The following LRRN1 variants were observed in gnomAD, a reference collection of about 807,000 sequenced individuals.
The protein encoded by LRRN1 is leucine rich repeat neuronal 1.
Under a neutral mutation model 45.8 loss-of-function variants are expected in LRRN1, and 14 were observed. The ratio of observed to expected loss-of-function variants is 0.31; its 90% CI spans 0.20 to 0.48. The LOEUF (loss-of-function observed/expected upper bound fraction) is 0.48, where lower values mean the gene tolerates loss of function less well. Ranked by LOEUF, LRRN1 falls within the 20% of genes least tolerant of loss-of-function variation. The probability of loss-of-function intolerance (pLI) is 0.99; values close to 1 mark genes in which losing one functional copy is unlikely to be tolerated. For missense variants in LRRN1, 789 were observed against 874.2 expected, an observed-to-expected ratio of 0.90 and a Z score of 1.23; for synonymous variants, 359 against 330.1, an observed-to-expected ratio of 1.09 and a Z score of -0.95.
Position 3,807,772 on chromosome 3 carries a change from C to T in LRRN1, c.-279+7853C>T, listed in dbSNP as rs553490506. On this transcript the variant is annotated intron_variant, in intron 1 of 1. Coordinates refer to ENST00000319331, the MANE Select transcript of LRRN1 (RefSeq NM_020873.7). Reference sequence around the variant, plus strand: ...ATGAACTCATCAGACCATCAGAGAACCATAAGGACAGTGGAGTAGCAATGA... The same window carrying T: ...ATGAACTCATCAGACCATCAGAGAATCATAAGGACAGTGGAGTAGCAATGA... Among the ~76,000 whole-genome samples, 35 of 152,262 alleles carry T rather than the reference C, an allele frequency of 2.3e-4. 1 individual carries two copies. In the South Asian group the frequency reaches 6.8e-3, roughly 30 times the overall value.
rs1291859780 is a variant in LRRN1, at chr3:3,847,000, T to G, written c.*208T>G. On this transcript the variant is annotated 3_prime_UTR_variant, in exon 2 of 2. Transcript: ENST00000319331. The surrounding 1 kb of genome is among the most constrained non-coding windows in gnomAD (Gnocchi z 5.7). ...CCAGCGACTCTAGGCTTCCAGTCTG[T>G]GTTTGGTTTTTATTCTTATCATTAT... 4.5e-6 allele frequency: 2 copies of G among 444,552 alleles called. No individual in the cohort carries two copies. Among genetic ancestry groups the G allele is most frequent in the African/African-American group, 4.0e-5 (2 of 49,448 alleles). 27.5% of individuals were successfully genotyped at this position (444,552 alleles called of 1,614,324 possible). A position where few individuals can be genotyped will look rare whatever the true frequency, so the allele number is the denominator to read the frequency against.
At chr3:3,826,187 A>T (rs1213141982) in intron 1 of LRRN1, among the ~76,000 whole-genome samples, 1 of 152,110 alleles carries the variant, frequency 6.6e-6, no homozygotes, top group African/African-American at 2.4e-5. Context: ...CTCCAAAACA[A>T]TTTAATAACA....
rs553225075 is a variant in LRRN1 at position 3,846,891 on chromosome 3, T to G, written c.*99T>G. 11 of 1,063,432 alleles carry G rather than the reference T, an allele frequency of 1.0e-5. No individual in the cohort carries two copies. The South Asian group carries it at 1.9e-4, about 18-fold the overall frequency. The allele number at this position is 1,063,432 out of a possible 1,614,324, so 65.9% of individuals were successfully genotyped here. ...TTGAAGACTTTTGTATTTTTGACTT[T>G]GCTAGTTTGTGGCAGAGTGGAGAGG... On this transcript the variant is annotated 3_prime_UTR_variant, in exon 2 of 2. Transcript: ENST00000319331. This position sits in a 1 kb window ranked among gnomAD's most constrained non-coding sequence, Gnocchi z 5.7.
At position 3,846,656 on chromosome 3, in the gene LRRN1, C is replaced by T; in HGVS notation, c.2015C>T (p.Thr672Ile). Reference protein sequence around the residue: ...HHSLKKYMQKTSSIPLNELYP... With the variant: ...HHSLKKYMQKISSIPLNELYP... ...TCATTAAAAAAGTATATGCAAAAAA[C>T]CTCTTCAATCCCACTAAATGAGCTG... Residue 672 changes from threonine (T) to isoleucine (I), a missense_variant, in exon 2 of 2, where the codon ACC becomes ATC. Coordinates refer to ENST00000319331, the MANE Select transcript of LRRN1 (RefSeq NM_020873.7). This position sits in a 1 kb window ranked among gnomAD's most constrained non-coding sequence, Gnocchi z 5.7. 6.2e-7 allele frequency: 1 copy of T among 1,613,962 alleles called. No homozygotes were observed. The highest frequency in any genetic ancestry group is 8.5e-7 in the Non-Finnish European group (1 of 1,179,994).
chr3:3,822,749 G>A (rs1168211234), intron 1 of LRRN1: 1 of 151,996 alleles, frequency 6.6e-6, no homozygotes, highest in Non-Finnish European at 1.5e-5. Context: ...AAAATGACAT[G>A]GCCTTTGAAA....
At position 3,816,457 on chromosome 3, in the gene LRRN1, A is replaced by G. The variant is rs1692988509; in HGVS notation, c.-279+16538A>G. ...TGATTAACAGAAATCCTAATTAACTAGATCCCCTCCACCCTCAGTCCACTT... is the reference window on the plus strand; with the variant it reads ...TGATTAACAGAAATCCTAATTAACTGGATCCCCTCCACCCTCAGTCCACTT... On this transcript the variant is annotated intron_variant, in intron 1 of 1. Transcript: ENST00000319331. The surrounding 1 kb of genome is among the most constrained non-coding windows in gnomAD (Gnocchi z 4.0). Among the ~76,000 whole-genome samples the G allele has an allele frequency of 2.0e-5, 3 of 152,186 alleles. No individual in the cohort carries two copies. Among genetic ancestry groups the G allele is most frequent in the Non-Finnish European group, 1.5e-5 (1 of 68,018 alleles).
chr3:3,844,417 A>C lies in LRRN1; in HGVS notation c.-225A>C, dbSNP rs1693710224. On this transcript the variant is annotated 5_prime_UTR_variant, in exon 2 of 2. Coordinates refer to ENST00000319331, the MANE Select transcript of LRRN1 (RefSeq NM_020873.7). ...AATAATTCATGCCACGGACCTGTGC[A>C]CATGCCTGGAATTGAGAGACACAGT... 7.8e-6 allele frequency: 4 copies of C among 512,582 alleles called. No homozygotes were observed. The highest frequency in any genetic ancestry group is 3.2e-5 in the East Asian group (1 of 31,536). The allele number at this position is 512,582 out of a possible 1,614,324, so 31.8% of individuals were successfully genotyped here.
At chr3:3,820,737 G>A (rs566790447) in intron 1 of LRRN1, among the ~76,000 whole-genome samples, 1 of 152,348 alleles carries the variant, frequency 6.6e-6, no homozygotes, top group South Asian at 2.1e-4. Context: ...ACTTTGTGAT[G>A]TACTCTGGTT....
chr3:3,834,031 G>A (rs6802460), intron 1 of LRRN1, among the ~76,000 whole-genome samples: 101,134 of 151,916 alleles, frequency 0.67, 34,874 homozygotes, highest in Non-Finnish European at 0.77. Context: ...TTTTTCCACA[G>A]TTTCAGCTCT....
chr3:3,833,501 C>G (rs1338234883), intron 1 of LRRN1, among the ~76,000 whole-genome samples: 1 of 152,212 alleles, frequency 6.6e-6, no homozygotes, highest in African/African-American at 2.4e-5. Context: ...AACCTGTTCT[C>G]CAGATTGCTC....
At chr3:3,843,270 G>C (rs376295946) in intron 1 of LRRN1, among the ~76,000 whole-genome samples, 6 of 152,132 alleles carry the variant, frequency 3.9e-5, no homozygotes, top group African/African-American at 1.4e-4. Flanking sequence ...ACATTCTCAC[G>C]AGATTAATGA....
At chr3:3,802,465 C>G (rs532214484) in intron 1 of LRRN1, among the ~76,000 whole-genome samples, 1 of 152,218 alleles carries the variant, frequency 6.6e-6, no homozygotes, top group East Asian at 1.9e-4. Context: ...CCCCCCCAAC[C>G]CCCGCCAGAA....
Position 3,845,148 on chromosome 3 carries a change from A to T in LRRN1, c.507A>T (p.Leu169=), listed in dbSNP as rs754003496. ...SAHAFAGLKN[L]LRLHLNSNKL... ...ATGCTTTTGCAGGCTTAAAAAATCT[A>T]TTAAGGCTCCACCTGAACTCCAACA... Residue 169 remains leucine (L), a synonymous_variant, in exon 2 of 2, where the codon CTA becomes CTT. Coordinates refer to ENST00000319331, the MANE Select transcript of LRRN1 (RefSeq NM_020873.7). This position sits in a 1 kb window ranked among gnomAD's most constrained non-coding sequence, Gnocchi z 6.5. 8.7e-6 allele frequency: 14 copies of T among 1,614,082 alleles called. No homozygotes were observed. The highest frequency in any genetic ancestry group is 3.3e-4 in the Middle Eastern group (2 of 6,082).
rs756313886 is a variant in LRRN1, at chr3:3,844,972, A to G, written c.331A>G (p.Lys111Glu). Residue 111 changes from lysine (K) to glutamate (E), a missense_variant, in exon 2 of 2, where the codon AAG (lysine) becomes GAG (glutamate). By Grantham distance (56) the Lys-to-Glu change is moderately conservative. Transcript: ENST00000319331. ...CTCCCAAAACAACTTTACTAACATT[A>G]AGGAGGTCGGGCTGGCAAACCTAAC... ...DFSQNNFTNI[K>E]EVGLANLTQL... 3.1e-6 allele frequency: 5 copies of G among 1,613,994 alleles called. No individual in the cohort carries two copies. The highest frequency in any genetic ancestry group is 2.5e-6 in the Non-Finnish European group (3 of 1,180,020).
At chr3:3,826,508 G>A (rs924113772) in intron 1 of LRRN1, among the ~76,000 whole-genome samples, 1 of 152,118 alleles carries the variant, frequency 6.6e-6, no homozygotes, top group South Asian at 2.1e-4. Context: ...CCTGCTTGGT[G>A]ATGAATAATG....
intron 1 of LRRN1, among the ~76,000 whole-genome samples, chr3:3,812,927 A>G (rs2106453910): frequency 6.6e-6 from 1 of 151,582 alleles, no homozygotes; most frequent in Admixed American, 6.6e-5. Flanking sequence ...AGCTTAGCTT[A>G]TTTTATTTTC....
intron 1 of LRRN1, among the ~76,000 whole-genome samples, chr3:3,833,731 T>C (rs568259412): frequency 6.6e-6 from 1 of 151,986 alleles, no homozygotes; most frequent in South Asian, 2.1e-4. Flanking sequence ...CAGCGCAGGG[T>C]TTGTCTCCTC....
intron 1 of LRRN1, among the ~76,000 whole-genome samples, chr3:3,801,493 A>G (rs1324133752): frequency 6.6e-6 from 1 of 152,214 alleles, no homozygotes. Context: ...AATCTAGAGT[A>G]AAAGTGTTAT....
intron 1 of LRRN1, among the ~76,000 whole-genome samples, chr3:3,823,204 G>A (rs1246569755): frequency 6.6e-6 from 1 of 152,090 alleles, no homozygotes; most frequent in African/African-American, 2.4e-5. Flanking sequence ...CAAAATTGGG[G>A]GTTTTTGGGA....
Sources: gnomAD v4.1 joint callset for allele counts (sites outside exome capture counted in the v4.1 genomes callset) on GRCh38, gnomAD v4.1.1 for gene constraint, Gnocchi (gnomAD v3.1) non-coding constraint, MANE v1.5 for transcripts, NCBI Gene and HGNC (gene_info 2026-07-23, HGNC 2026-07-21) for gene names.